Variants in AIRE observed in about 807,000 individuals in gnomAD.
AIRE encodes the protein autoimmune polyendocrinopathy candidiasis ectodermal dystrophy protein.
Under a neutral mutation model 62.1 loss-of-function variants are expected in AIRE, and 52 were observed. The observed-to-expected ratio is 0.84, with a 90% confidence interval of 0.67 to 1.06. AIRE has a LOEUF of 1.06. AIRE is among the 50% of genes least tolerant of loss of function. The pLI, the probability that AIRE is intolerant of heterozygous loss-of-function variation, is 0.00. For missense variants in AIRE, 774 were observed against 755.8 expected, an observed-to-expected ratio of 1.02 and a Z score of -0.28; for synonymous variants, 342 against 321.6, an observed-to-expected ratio of 1.06 and a Z score of -0.68.
Position 44,286,523 on chromosome 21 carries a change from C to A in AIRE, c.133-34C>A. On this transcript the variant is annotated intron_variant, in intron 1 of 13. Transcript: ENST00000291582. This position sits in a 1 kb window ranked among gnomAD's most constrained non-coding sequence, Gnocchi z 6.0. ...TGGGCAGGCCGCAGGGTGTGGGGGA[C>A]CATGGCAGGGACCCTCATGCCACCC... 1 of 1,594,102 alleles carries A rather than the reference C, an allele frequency of 6.3e-7. No homozygotes were observed. The highest frequency in any genetic ancestry group is 8.6e-7 in the Non-Finnish European group (1 of 1,167,120).
At position 44,293,139 on chromosome 21, in the gene AIRE, G is replaced by T; in HGVS notation, c.1242G>T (p.Leu414=). The T allele has an allele frequency of 6.3e-7, 1 of 1,585,854 alleles. No individual in the cohort carries two copies. Among genetic ancestry groups the T allele is most frequent in the Non-Finnish European group, 8.6e-7 (1 of 1,166,616 alleles). Residue 414 remains leucine (L), a synonymous_variant, in exon 10 of 14, where the codon CTG becomes CTT. Transcript: ENST00000291582. The part of the protein sequence containing the change: ...APLPGLDSSA[L]HPLLCVGPEG... ...TGCCAGGGCTGGACTCCTCGGCCCT[G>T]CACCCCCTACTGTGTGTGGGTCCTG...
intron 7 of AIRE, 26 bp from the exon 8 acceptor site, chr21:44,291,069 G>C: frequency 6.2e-7 from 1 of 1,613,342 alleles, no homozygotes. Context: ...AGCCCAGTCT[G>C]CATGGGCGTC....
rs1411770117 is a variant in AIRE, at chr21:44,292,115, C to A, written c.996-187C>A. On this transcript the variant is annotated intron_variant, in intron 8 of 13. Transcript: ENST00000291582. The stretch of plus-strand genomic sequence containing the variant: ...CCCTGATCACGCTGGCCAGGGCCAC[C>A]CCACGAAGGGTAAATGTCCCCCTGC... Among the ~76,000 whole-genome samples the A allele has an allele frequency of 2.6e-5, 4 of 152,186 alleles. No individual in the cohort carries two copies. In the East Asian group the frequency reaches 7.7e-4, roughly 29 times the overall value.
In AIRE at chr21:44,296,526, G is replaced by T. The variant is rs913582970; in HGVS notation, c.1566+81G>T. On this transcript the variant is annotated intron_variant, in intron 13 of 13. Coordinates refer to ENST00000291582, the MANE Select transcript of AIRE (RefSeq NM_000383.4). ...CGGCACCCAGGCTCCCCACTCTGGG[G>T]GAGGACTGCCGGCCCCCACTGCTCT... 2.9e-6 allele frequency: 4 copies of T among 1,364,884 alleles called. No homozygotes were observed. The African/African-American group carries it at 5.8e-5, about 20-fold the overall frequency. 84.5% of individuals were successfully genotyped at this position (1,364,884 alleles called of 1,614,324 possible).
At position 44,293,050 on chromosome 21, in the gene AIRE, C is replaced by T. The variant is rs748929295; in HGVS notation, c.1153C>T (p.Leu385=). The T allele has an allele frequency of 1.2e-6, 2 of 1,612,518 alleles. No homozygotes were observed. Among genetic ancestry groups the T allele is most frequent in the African/African-American group, 1.3e-5 (1 of 75,026 alleles). Residue 385 remains leucine (L), a synonymous_variant, in exon 10 of 14, where the codon CTA becomes TTA. Transcript: ENST00000291582. ...GGTAAGAGGTCCACCTGGGGAACCC[C>T]TAGCCGGCATGGACACGACTCTTGT... ...EEVRGPPGEP[L]AGMDTTLVYK... is the part of the protein sequence containing the mutation.
rs1263055512 is a variant in AIRE at position 44,288,497 on chromosome 21, C to T, written c.652+39C>T. 2.7e-6 allele frequency: 4 copies of T among 1,460,446 alleles called. No individual in the cohort carries two copies. The South Asian group carries it at 4.6e-5, about 17-fold the overall frequency. 90.5% of individuals were successfully genotyped at this position (1,460,446 alleles called of 1,614,324 possible). A position where few individuals can be genotyped will look rare whatever the true frequency, so the allele number is the denominator to read the frequency against. On this transcript the variant is annotated intron_variant, in intron 5 of 13. Transcript: ENST00000291582. ...CGGGGAGATGGGGCTGATGGGGAGA[C>T]CCAGGCTCCAAGATGGAAGGAGGAC...
At position 44,286,251 on chromosome 21, in the gene AIRE, C is replaced by G; in HGVS notation, c.132+113C>G. 8.6e-7 allele frequency: 1 copy of G among 1,157,588 alleles called. No homozygotes were observed. The highest frequency in any genetic ancestry group is 1.2e-6 in the Non-Finnish European group (1 of 824,732). 71.7% of individuals were successfully genotyped at this position (1,157,588 alleles called of 1,614,324 possible). ...CAGATCCCCAAGCCCCTCCAGCCTTCCCCAACTCCCTCCCCACAAGGAGCC... is the reference window on the plus strand; with the variant it reads ...CAGATCCCCAAGCCCCTCCAGCCTTGCCCAACTCCCTCCCCACAAGGAGCC... On this transcript the variant is annotated intron_variant, in intron 1 of 13. Coordinates refer to ENST00000291582, the MANE Select transcript of AIRE (RefSeq NM_000383.4). This position sits in a 1 kb window ranked among gnomAD's most constrained non-coding sequence, Gnocchi z 6.0.
Position 44,285,892 on chromosome 21 carries a change from G to A in AIRE, c.-115G>A, listed in dbSNP as rs2040476215. 4.5e-5 allele frequency: 48 copies of A among 1,060,222 alleles called. No homozygotes were observed. In the East Asian group the frequency reaches 1.6e-3, roughly 35 times the overall value. The allele number at this position is 1,060,222 out of a possible 1,614,324, so 65.7% of individuals were successfully genotyped here. On this transcript the variant is annotated 5_prime_UTR_variant, in exon 1 of 14. Coordinates refer to ENST00000291582, the MANE Select transcript of AIRE (RefSeq NM_000383.4). Reference sequence around the variant, plus strand: ...TCGCAGACCGGGGAGACGGGCGGGCGCACAGCCGGCGCGGAGGCCCCACAG... The same window carrying A: ...TCGCAGACCGGGGAGACGGGCGGGCACACAGCCGGCGCGGAGGCCCCACAG...
In AIRE at chr21:44,289,456, C is replaced by T. The variant is rs2516560; in HGVS notation, c.653-201C>T. 156,079 of 640,220 alleles carry T rather than the reference C, an allele frequency of 0.24. 20,298 individuals are homozygous for T. Among genetic ancestry groups the T allele is most frequent in the East Asian group, 0.29 (10,325 of 36,016 alleles). 39.7% of individuals were successfully genotyped at this position (640,220 alleles called of 1,614,324 possible). A position where few individuals can be genotyped will look rare whatever the true frequency, so the allele number is the denominator to read the frequency against. On this transcript the variant is annotated intron_variant, in intron 5 of 13. Coordinates refer to ENST00000291582, the MANE Select transcript of AIRE (RefSeq NM_000383.4). Reference sequence around the variant, plus strand: ...TGAGGTTCTGGGTGGACGTGAACTTCGGGGGACGCTGTTGAACACCCTGGT... The same window carrying T: ...TGAGGTTCTGGGTGGACGTGAACTTTGGGGGACGCTGTTGAACACCCTGGT...
chr21:44,296,604 C>T (rs1253257922), intron 13 of AIRE, among the ~76,000 whole-genome samples, 159 bp downstream of exon 13: 4 of 151,736 alleles, frequency 2.6e-5, no homozygotes. Context: ...AGCCCCAGTG[C>T]TGCTGAGCAC....
Position 44,287,404 on chromosome 21 carries a change from G to A in AIRE, c.464-113G>A. ...ATGAGAAACCAGAGCCCGGCAAAGG[G>A]ACTACCCAGCACTGGACCGCCCCCT... On this transcript the variant is annotated intron_variant, in intron 3 of 13. Transcript: ENST00000291582. The surrounding 1 kb of genome is among the most constrained non-coding windows in gnomAD (Gnocchi z 4.3). 2 of 778,736 alleles carry A rather than the reference G, an allele frequency of 2.6e-6. No homozygotes were observed. The highest frequency in any genetic ancestry group is 4.3e-6 in the Non-Finnish European group (2 of 463,794). 48.2% of individuals were successfully genotyped at this position (778,736 alleles called of 1,614,324 possible). A position where few individuals can be genotyped will look rare whatever the true frequency, so the allele number is the denominator to read the frequency against.
chr21:44,293,189 GGGGGTCA>G lies in AIRE; in HGVS notation c.1278+18_1278+24del. 1 of 1,542,062 alleles carries G rather than the reference GGGGGTCA, an allele frequency of 6.5e-7. No homozygotes were observed. The highest frequency in any genetic ancestry group is 1.9e-5 in the Admixed American group (1 of 51,352). On this transcript the variant is annotated intron_variant, in intron 10 of 13. Coordinates refer to ENST00000291582, the MANE Select transcript of AIRE (RefSeq NM_000383.4). Reference sequence around the variant, plus strand: ...GAGGGTCAGCAGGTGAGCGGGGAGTGGGGGTCAGGGTGGGCTCTTCAAGGAGCCCAGG... The same window carrying G: ...GAGGGTCAGCAGGTGAGCGGGGAGTGGGGTGGGCTCTTCAAGGAGCCCAGG...
chr21:44,291,115 CGT>C lies in AIRE; in HGVS notation c.905_906del (p.Cys302SerfsTer10). 1 of 1,612,796 alleles carries C rather than the reference CGT, an allele frequency of 6.2e-7. No homozygotes were observed. On this transcript the variant is annotated frameshift_variant, in exon 8 of 14. Coordinates refer to ENST00000291582, the MANE Select transcript of AIRE (RefSeq NM_000383.4). LOFTEE classifies it high-confidence loss of function. ...GCCAGAAGAATGAGGACGAGTGTGC[CGT>C]GTGTCGGGACGGCGGGGAGCTCATC... ...LHQKNEDECA[V>X]CRDGGELICC... is the part of the protein sequence containing the mutation.
rs1653658224 is a variant in AIRE at position 44,291,346 on chromosome 21, G to A, written c.995+136G>A. 1.6e-5 allele frequency: 23 copies of A among 1,394,022 alleles called. 1 individual carries two copies. Among genetic ancestry groups the A allele is most frequent in the South Asian group, 1.0e-4 (8 of 80,204 alleles). The allele number at this position is 1,394,022 out of a possible 1,614,324, so 86.4% of individuals were successfully genotyped here. A position where few individuals can be genotyped will look rare whatever the true frequency, so the allele number is the denominator to read the frequency against. ...GGGTTCTGAGTCAGGTCACTGGGCC[G>A]TGGGGCCGGGGCCTGGGGTTTTCCC... On this transcript the variant is annotated intron_variant, in intron 8 of 13. Transcript: ENST00000291582.
Position 44,287,495 on chromosome 21 carries a change from T to A in AIRE, c.464-22T>A. ...CCCCCACTGAGAGGGGAGGCCAGGC[T>A]GCCCCCAGCTCCCCCATTCAGGCTC... On this transcript the variant is annotated intron_variant, in intron 3 of 13. Transcript: ENST00000291582. This position sits in a 1 kb window ranked among gnomAD's most constrained non-coding sequence, Gnocchi z 4.3. 6.5e-7 allele frequency: 1 copy of A among 1,541,888 alleles called. No individual in the cohort carries two copies. Among genetic ancestry groups the A allele is most frequent in the Non-Finnish European group, 8.8e-7 (1 of 1,140,068 alleles).
In AIRE at chr21:44,286,679, C is replaced by T; in HGVS notation, c.255C>T (p.Tyr85=). Reference sequence around the variant, plus strand: ...TCTGGAGGGTGCTGTTCAAGGACTACAACCTGGAGCGCTATGGCCGGCTGC... The same window carrying T: ...TCTGGAGGGTGCTGTTCAAGGACTATAACCTGGAGCGCTATGGCCGGCTGC... ...LDFWRVLFKD[Y]NLERYGRLQP... The change falls in exon 2 of 14, where the codon TAC becomes TAT. Residue 85 remains tyrosine, a synonymous_variant. Coordinates refer to ENST00000291582, the MANE Select transcript of AIRE (RefSeq NM_000383.4). This position sits in a 1 kb window ranked among gnomAD's most constrained non-coding sequence, Gnocchi z 6.0. The T allele has an allele frequency of 6.2e-7, 1 of 1,613,086 alleles. No individual in the cohort carries two copies. The highest frequency in any genetic ancestry group is 8.5e-7 in the Non-Finnish European group (1 of 1,179,998).
rs1448249589 is a variant in AIRE, at chr21:44,287,973, C to CTCCAGA, written c.539-371_539-366dup. Among the ~76,000 whole-genome samples, 5 of 152,186 alleles carry CTCCAGA rather than the reference C, an allele frequency of 3.3e-5. No individual in the cohort carries two copies. Among genetic ancestry groups the CTCCAGA allele is most frequent in the Non-Finnish European group, 7.4e-5 (5 of 68,006 alleles). ...TCTCCTTCCTTCCCAGGGCACTGGACTCCAGAGACCCCCTATCTCCCTGAG... is the reference window on the plus strand; with the variant it reads ...TCTCCTTCCTTCCCAGGGCACTGGACTCCAGATCCAGAGACCCCCTATCTCCCTGAG... On this transcript the variant is annotated intron_variant, in intron 4 of 13. Coordinates refer to ENST00000291582, the MANE Select transcript of AIRE (RefSeq NM_000383.4). This position sits in a 1 kb window ranked among gnomAD's most constrained non-coding sequence, Gnocchi z 4.3.
Position 44,286,849 on chromosome 21 carries a change from C to G in AIRE, c.307+118C>G. ...GGAGCCCGTGGGTGATGTTCCAGGA[C>G]CGTCTTGGATCCTAAGAGGCAAAGG... On this transcript the variant is annotated intron_variant, in intron 2 of 13. Transcript: ENST00000291582. The surrounding 1 kb of genome is among the most constrained non-coding windows in gnomAD (Gnocchi z 6.0). 2 of 1,562,856 alleles carry G rather than the reference C, an allele frequency of 1.3e-6. No individual in the cohort carries two copies. The highest frequency in any genetic ancestry group is 1.8e-6 in the Non-Finnish European group (2 of 1,139,806).
In AIRE at chr21:44,287,822, C is replaced by G; in HGVS notation, c.538+231C>G. ...CCCCCACTGCACCCTGGTTCTGGGA[C>G]CCCCTTCTCAGGCACCTTCTCTGCC... On this transcript the variant is annotated intron_variant, in intron 4 of 13. Coordinates refer to ENST00000291582, the MANE Select transcript of AIRE (RefSeq NM_000383.4). The surrounding 1 kb of genome is among the most constrained non-coding windows in gnomAD (Gnocchi z 4.3). Among the ~76,000 whole-genome samples, 1 of 152,230 alleles carries G rather than the reference C, an allele frequency of 6.6e-6. No homozygotes were observed. Among genetic ancestry groups the G allele is most frequent in the South Asian group, 2.1e-4 (1 of 4,828 alleles).
Sources: gnomAD v4.1 joint callset for allele counts (sites outside exome capture counted in the v4.1 genomes callset) on GRCh38, gnomAD v4.1.1 for gene constraint, Gnocchi (gnomAD v3.1) non-coding constraint, MANE v1.5 for transcripts, NCBI Gene and HGNC (gene_info 2026-07-23, HGNC 2026-07-21) for gene names.